The following ANKK1 variants were observed in gnomAD, a reference collection of about 807,000 sequenced individuals.
The protein encoded by ANKK1 is ankyrin repeat and protein kinase domain-containing protein 1.
A neutral mutation model predicts 37.6 loss-of-function variants in ANKK1; 37 were observed. That is an observed-to-expected ratio of 0.98 (90% CI 0.76 to 1.29). The LOEUF is 1.29. Among genes scored for constraint, ANKK1 ranks in the 50% most tolerant of loss-of-function variants. ANKK1 has a pLI of 0.00. For missense variants in ANKK1, 1,019 were observed against 990.6 expected (o/e 1.03, Z -0.39); for synonymous variants, 415 against 418.7 (o/e 0.99, Z 0.11).
rs1015185516 is a variant in ANKK1 at position 113,398,829 on chromosome 11, T to C, written c.995-135T>C. On this transcript the variant is annotated intron_variant, in intron 7 of 7. Transcript: ENST00000303941. ...ACATTTATGGCTGTGTAGAGAGCCA[T>C]GCTTAGGAAAGGCATTGCCCTTACT... The C allele has an allele frequency of 3.9e-5, 30 of 760,518 alleles. No individual in the cohort carries two copies. The Admixed American group carries it at 7.8e-4, about 20-fold the overall frequency. 47.1% of individuals were successfully genotyped at this position (760,518 alleles called of 1,614,324 possible).
chr11:113,395,980 T>C (rs11214598), intron 4 of ANKK1, 87 bp from the exon 5 acceptor site: 972,629 of 1,500,172 alleles, frequency 0.65, 327,390 homozygotes, highest in Non-Finnish European at 0.69. Context: ...CATGCCCTGT[T>C]GGGATCCTCA....
In ANKK1 at chr11:113,399,293, G is replaced by C. The variant is rs4938016; in HGVS notation, c.1324G>C (p.Gly442Arg). ...LHFAAQNGDD[G>R]TARLLLDHGA... ...CTTTGCAGCCCAGAATGGGGATGAC[G>C]GCACTGCGCGCCTGCTCCTGGACCA... The change falls in exon 8 of 8, where the codon GGC (glycine) becomes CGC (arginine). Residue 442 changes from glycine to arginine, a missense_variant. Gly to Arg is a moderately radical substitution (Grantham distance 125, BLOSUM62 -2). Coordinates refer to ENST00000303941, the MANE Select transcript of ANKK1 (RefSeq NM_178510.2). 1,065,748 of 1,600,436 alleles carry C rather than the reference G, an allele frequency of 0.67. 359,034 individuals carry two copies. Among genetic ancestry groups the C allele is most frequent in the Non-Finnish European group, 0.69 (815,248 of 1,173,890 alleles).
At position 113,393,713 on chromosome 11, in the gene ANKK1, C is replaced by T. The variant is rs1469338403; in HGVS notation, c.418C>T (p.Pro140Ser). ...AMNFLHSIKP[P>S]LLHLDLKPGN... ...GAACTTCCTGCACAGCATTAAGCCG[C>T]CTCTGCTCCACCTGGACCTCAAGCC... The change falls in exon 2 of 8, where the codon CCT (proline) becomes TCT (serine). Residue 140 changes from proline to serine, a missense_variant. Pro to Ser is a moderately conservative substitution (Grantham distance 74). Transcript: ENST00000303941. 6.2e-7 allele frequency: 1 copy of T among 1,613,688 alleles called. No individual in the cohort carries two copies. The highest frequency in any genetic ancestry group is 1.1e-5 in the South Asian group (1 of 91,080).
Position 113,399,950 on chromosome 11 carries a change from A to T in ANKK1, c.1981A>T (p.Thr661Ser). The change falls in exon 8 of 8, where the codon ACA becomes TCA. Residue 661 changes from threonine to serine, a missense_variant. Thr to Ser is a moderately conservative substitution (Grantham distance 58). Coordinates refer to ENST00000303941, the MANE Select transcript of ANKK1 (RefSeq NM_178510.2). ...CAATGCTGCAGAGCAGTCAGGCTGG[A>T]CACCCCTCCACCTGGCGGTCCAGAG... is the stretch of plus-strand genomic sequence containing the variant. ...DPNAAEQSGW[T>S]PLHLAVQRST... The T allele has an allele frequency of 3.7e-6, 6 of 1,613,610 alleles. No homozygotes were observed. The highest frequency in any genetic ancestry group is 5.1e-6 in the Non-Finnish European group (6 of 1,179,886).
rs1950693581 is a variant in ANKK1 at position 113,400,285 on chromosome 11, G to A, written c.*18G>A. The A allele has an allele frequency of 6.6e-7, 1 of 1,522,700 alleles. No homozygotes were observed. Among genetic ancestry groups the A allele is most frequent in the African/African-American group, 1.4e-5 (1 of 72,550 alleles). The allele number at this position is 1,522,700 out of a possible 1,614,324, so 94.3% of individuals were successfully genotyped here. ...AAATTTAGACAACTTGGCCAGCCGT[G>A]GTGGCTCACGTCTGTAATCCCAGCA... On this transcript the variant is annotated 3_prime_UTR_variant, in exon 8 of 8. Coordinates refer to ENST00000303941, the MANE Select transcript of ANKK1 (RefSeq NM_178510.2).
In ANKK1 at chr11:113,399,446, G is replaced by A. The variant is rs752421459; in HGVS notation, c.1477G>A (p.Glu493Lys). ...GGCTGACCCCAACCTGCATGAGGCT[G>A]AGGGCAAGACCCCCCTCCATGTGGC... ...RQADPNLHEA[E>K]GKTPLHVAAY... Residue 493 changes from glutamate (E) to lysine (K), a missense_variant, in exon 8 of 8, where the codon GAG (glutamate) becomes AAG (lysine). Physicochemically the swap from Glu to Lys is moderately conservative, Grantham distance 56 (BLOSUM62 1). Coordinates refer to ENST00000303941, the MANE Select transcript of ANKK1 (RefSeq NM_178510.2). 3.8e-6 allele frequency: 6 copies of A among 1,596,098 alleles called. No individual in the cohort carries two copies. The Admixed American group carries it at 8.7e-5, about 23-fold the overall frequency.
At chr11:113,389,948 T>A (rs1391276932) in intron 1 of ANKK1, among the ~76,000 whole-genome samples, 2 of 152,096 alleles carry the variant, frequency 1.3e-5, no homozygotes, top group African/African-American at 2.4e-5. Context: ...GTTAGGAGAT[T>A]GTTATCTTCA....
Position 113,393,620 on chromosome 11 carries a change from G to C in ANKK1, c.325G>C (p.Val109Leu), listed in dbSNP as rs764128747. 9 of 1,613,926 alleles carry C rather than the reference G, an allele frequency of 5.6e-6. No individual in the cohort carries two copies. The highest frequency in any genetic ancestry group is 7.6e-6 in the Non-Finnish European group (9 of 1,179,870). The change falls in exon 2 of 8, where the codon GTG becomes CTG. Residue 109 changes from valine (V) to leucine (L), a missense_variant. By Grantham distance (32) the Val-to-Leu change is conservative. Transcript: ENST00000303941. ...EFMANGSLEK[V>L]LSTHSLCWKL... ...TATGGCCAACGGCTCCCTGGAGAAG[G>C]TGCTGTCCACCCACAGCCTCTGCTG...
At chr11:113,395,242 G>T in intron 3 of ANKK1, 117 bp from the exon 4 acceptor site, 3 of 1,507,788 alleles carry the variant, frequency 2.0e-6, no homozygotes, top group Admixed American at 1.9e-5. Context: ...GAGTACTTTG[G>T]CCGGTGAGGC....
Position 113,400,146 on chromosome 11 carries a change from G to C in ANKK1, c.2177G>C (p.Cys726Ser), listed in dbSNP as rs369403733. The C allele has an allele frequency of 5.0e-6, 8 of 1,604,218 alleles. No homozygotes were observed. In the African/African-American group the frequency reaches 9.4e-5, roughly 19 times the overall value. Residue 726 changes from cysteine (C) to serine (S), a missense_variant, in exon 8 of 8, where the codon TGC becomes TCC. By Grantham distance (112) the Cys-to-Ser change is moderately radical (BLOSUM62 -1). Transcript: ENST00000303941. ...AQLDVQDGVS[C>S]TPLQLALRSR... is the part of the protein sequence containing the mutation. ...CTGGACGTCCAGGATGGAGTGAGCT[G>C]CACACCCCTGCAACTGGCCCTCCGC...
chr11:113,388,592 A>G (rs1950564959), intron 1 of ANKK1, among the ~76,000 whole-genome samples: 2 of 152,212 alleles, frequency 1.3e-5, no homozygotes, highest in African/African-American at 2.4e-5. Flanking sequence ...TGAGGAGGTC[A>G]GGGGATGGAG....
chr11:113,400,289 G>A lies in ANKK1; in HGVS notation c.*22G>A, dbSNP rs1315476500. ...TTAGACAACTTGGCCAGCCGTGGTG[G>A]CTCACGTCTGTAATCCCAGCACTTT... On this transcript the variant is annotated 3_prime_UTR_variant, in exon 8 of 8. Transcript: ENST00000303941. 1 of 1,517,612 alleles carries A rather than the reference G, an allele frequency of 6.6e-7. No individual in the cohort carries two copies. Among genetic ancestry groups the A allele is most frequent in the African/African-American group, 1.4e-5 (1 of 72,542 alleles). 94.0% of individuals were successfully genotyped at this position (1,517,612 alleles called of 1,614,324 possible). A position where few individuals can be genotyped will look rare whatever the true frequency, so the allele number is the denominator to read the frequency against.
At chr11:113,397,390 C>T in intron 6 of ANKK1, 48 bp downstream of exon 6, 1 of 1,499,438 alleles carries the variant, frequency 6.7e-7, no homozygotes, top group Non-Finnish European at 9.2e-7. Flanking sequence ...AAGCTGGAGC[C>T]CGCTGTGTGG....
Position 113,397,178 on chromosome 11 carries a change from C to G in ANKK1, c.839-46C>G, listed in dbSNP as rs553782514. On this transcript the variant is annotated intron_variant, in intron 5 of 7. Transcript: ENST00000303941. Reference sequence around the variant, plus strand: ...TCTAAAACAGGGAGGGTACTGTGGGCCAGCCCGTTGCTTCCTTTCCTGTCT... The same window carrying G: ...TCTAAAACAGGGAGGGTACTGTGGGGCAGCCCGTTGCTTCCTTTCCTGTCT... 4 of 1,520,046 alleles carry G rather than the reference C, an allele frequency of 2.6e-6. No homozygotes were observed. In the African/African-American group the frequency reaches 4.1e-5, roughly 16 times the overall value. 94.2% of individuals were successfully genotyped at this position (1,520,046 alleles called of 1,614,324 possible).
rs1255277354 is a variant in ANKK1 at position 113,399,625 on chromosome 11, C to T, written c.1656C>T (p.Val552=). The T allele has an allele frequency of 1.2e-6, 2 of 1,606,320 alleles. No individual in the cohort carries two copies. Among genetic ancestry groups the T allele is most frequent in the Non-Finnish European group, 1.7e-6 (2 of 1,176,604 alleles). ...AIQHLLKSGA[V]PDALDQSGYG... Reference sequence around the variant, plus strand: ...AACACCTGCTGAAGAGTGGAGCGGTCCCTGATGCCCTTGACCAGAGCGGCT... The same window carrying T: ...AACACCTGCTGAAGAGTGGAGCGGTTCCTGATGCCCTTGACCAGAGCGGCT... Residue 552 remains valine, a synonymous_variant, in exon 8 of 8, where the codon GTC becomes GTT. Transcript: ENST00000303941.
chr11:113,400,005 T>C lies in ANKK1; in HGVS notation c.2036T>C (p.Leu679Pro). The change falls in exon 8 of 8, where the codon CTA becomes CCA. Residue 679 changes from leucine to proline, a missense_variant. Leu to Pro is a moderately conservative substitution (Grantham distance 98). Coordinates refer to ENST00000303941, the MANE Select transcript of ANKK1 (RefSeq NM_178510.2). ...RSTFLSVINL[L>P]EHHANVHARN... is the part of the protein sequence containing the mutation. ...ACCTTCCTGAGTGTCATCAACCTCC[T>C]AGAACATCACGCAAATGTCCACGCC... is the stretch of plus-strand genomic sequence containing the variant. 6.2e-7 allele frequency: 1 copy of C among 1,613,540 alleles called. No individual in the cohort carries two copies. The highest frequency in any genetic ancestry group is 8.5e-7 in the Non-Finnish European group (1 of 1,179,836).
chr11:113,399,127 A>C lies in ANKK1; in HGVS notation c.1158A>C (p.Val386=), dbSNP rs761764250. ...EQVRLLLAHE[V]DVDCQTASGY... is the part of the protein sequence containing the mutation. ...TGAGGTTGCTGCTGGCCCACGAGGT[A>C]GACGTGGACTGCCAGACGGCCTCTG... is the stretch of plus-strand genomic sequence containing the variant. The change falls in exon 8 of 8, where the codon GTA becomes GTC. Residue 386 remains valine (V), a synonymous_variant. Transcript: ENST00000303941. 1 of 1,594,466 alleles carries C rather than the reference A, an allele frequency of 6.3e-7. No individual in the cohort carries two copies. Among genetic ancestry groups the C allele is most frequent in the Non-Finnish European group, 8.5e-7 (1 of 1,170,702 alleles).
In ANKK1 at chr11:113,400,062, T is replaced by A. The variant is rs750102788; in HGVS notation, c.2093T>A (p.Leu698Gln). The A allele has an allele frequency of 6.2e-7, 1 of 1,613,508 alleles. No homozygotes were observed. Among genetic ancestry groups the A allele is most frequent in the Non-Finnish European group, 8.5e-7 (1 of 1,179,818 alleles). ...RNKVGWTPAH[L>Q]AALKGNTAIL... ...AAGGTGGGCTGGACACCCGCCCACC[T>A]GGCCGCCCTCAAGGGCAACACAGCC... Residue 698 changes from leucine to glutamine, a missense_variant, in exon 8 of 8, where the codon CTG (leucine) becomes CAG (glutamine). Physicochemically the swap from Leu to Gln is moderately radical, Grantham distance 113. Transcript: ENST00000303941.
In ANKK1 at chr11:113,393,471, C is replaced by T. The variant is rs746286015; in HGVS notation, c.186-10C>T. ...CACCCCCTTCCATATCTTGCTCCCCCTCTCCATAGCTCTGATGTGAATTAC... is the reference window on the plus strand; with the variant it reads ...CACCCCCTTCCATATCTTGCTCCCCTTCTCCATAGCTCTGATGTGAATTAC... On this transcript the variant is annotated splice_polypyrimidine_tract_variant and intron_variant, in intron 1 of 7. Transcript: ENST00000303941. 4.4e-6 allele frequency: 7 copies of T among 1,603,868 alleles called. No individual in the cohort carries two copies. Among genetic ancestry groups the T allele is most frequent in the African/African-American group, 1.3e-5 (1 of 74,856 alleles).
Sources: gnomAD v4.1 joint callset for allele counts (sites outside exome capture counted in the v4.1 genomes callset) on GRCh38, gnomAD v4.1.1 for gene constraint, MANE v1.5 for transcripts, NCBI Gene and HGNC (gene_info 2026-07-23, HGNC 2026-07-21) for gene names.